Variants in FAM25A observed in about 807,000 individuals in gnomAD.
FAM25A encodes family with sequence similarity 25 member A.
In FAM25A, 5 loss-of-function variants were observed where a neutral mutation model predicts 6.6. The observed-to-expected ratio is 0.75, with a 90% confidence interval of 0.39 to 1.59. The LOEUF (loss-of-function observed/expected upper bound fraction) is 1.59, where lower values mean the gene tolerates loss of function less well. Among genes scored for constraint, FAM25A ranks in the 40% most tolerant of loss-of-function variants. The probability of loss-of-function intolerance (pLI) is 0.02; values close to 1 mark genes in which losing one functional copy is unlikely to be tolerated. For missense variants in FAM25A, 93 were observed against 109.7 expected (o/e 0.85, Z 0.68); for synonymous variants, 36 against 41.3 (o/e 0.87, Z 0.49).
At chr10:87,022,099 C>T (rs1845332898) in intron 1 of FAM25A, among the ~76,000 whole-genome samples, 1 of 152,116 alleles carries the variant, frequency 6.6e-6, no homozygotes, top group Non-Finnish European at 1.5e-5. Flanking sequence ...GGGGGAAGGT[C>T]CTTCTCATGA....
chr10:87,020,630 C>T (rs1264631940), intron 1 of FAM25A, among the ~76,000 whole-genome samples: 1 of 152,064 alleles, frequency 6.6e-6, no homozygotes, highest in African/African-American at 2.4e-5. Flanking sequence ...CAGCTTGGAC[C>T]CTTCCCTCTG....
At chr10:87,024,237 C>T (rs1168338164) in intron 2 of FAM25A, among the ~76,000 whole-genome samples, 1 of 150,516 alleles carries the variant, frequency 6.6e-6, no homozygotes, top group Non-Finnish European at 1.5e-5. Flanking sequence ...AAATGATAAT[C>T]CAATATAACA....
chr10:87,022,441 A>G (rs1845338643), intron 2 of FAM25A, 65 bp downstream of exon 2: 1 of 1,529,036 alleles, frequency 6.5e-7, no homozygotes. Context: ...TGCTGGGCCA[A>G]CCTGTTCTTT....
intron 1 of FAM25A, among the ~76,000 whole-genome samples, chr10:87,020,715 A>T (rs1845323025): frequency 6.6e-6 from 1 of 152,216 alleles, no homozygotes; most frequent in Non-Finnish European, 1.5e-5. Flanking sequence ...ATGGATTTTT[A>T]TTTTTACCAT....
In FAM25A at chr10:87,020,422, C is replaced by T. The variant is rs929538388; in HGVS notation, c.73+25C>T. ...AGTGAGGACCTGGGGCTCCTTTCTACCTGGGCTGGGGGGATCTGGGGCAGA... is the reference window on the plus strand; with the variant it reads ...AGTGAGGACCTGGGGCTCCTTTCTATCTGGGCTGGGGGGATCTGGGGCAGA... On this transcript the variant is annotated intron_variant, in intron 1 of 2. Transcript: ENST00000343959. 46 of 1,548,230 alleles carry T rather than the reference C, an allele frequency of 3.0e-5. No individual in the cohort carries two copies. In the African/African-American group the frequency reaches 5.5e-4, roughly 18 times the overall value.
chr10:87,022,571 G>A (rs1207885905), intron 2 of FAM25A, among the ~76,000 whole-genome samples, 195 bp downstream of exon 2: 1 of 152,212 alleles, frequency 6.6e-6, no homozygotes, highest in African/African-American at 2.4e-5. Context: ...TGTCTAGATG[G>A]TTCTGTCTGT....
chr10:87,023,441 C>T, intron 2 of FAM25A, among the ~76,000 whole-genome samples: 1 of 152,152 alleles, frequency 6.6e-6, no homozygotes, highest in African/African-American at 2.4e-5. Context: ...ATACCATAGG[C>T]CAGGTGCAGT....
intron 2 of FAM25A, among the ~76,000 whole-genome samples, chr10:87,022,893 C>T (rs1845342925): frequency 6.9e-6 from 1 of 144,616 alleles, no homozygotes; most frequent in Non-Finnish European, 1.5e-5. Context: ...TGCCACTGCA[C>T]TCCAGCCTGG....
chr10:87,023,291 A>G (rs1589338599), intron 2 of FAM25A, among the ~76,000 whole-genome samples: 1 of 152,248 alleles, frequency 6.6e-6, no homozygotes, highest in African/African-American at 2.4e-5. Flanking sequence ...AGCTATGAGT[A>G]GAACTATGTA....
intron 2 of FAM25A, among the ~76,000 whole-genome samples, chr10:87,022,882 A>G (rs1231240069): frequency 3.5e-5 from 5 of 142,226 alleles, no homozygotes; most frequent in Admixed American, 1.4e-4. Context: ...AGCCTAGATC[A>G]TGCCACTGCA....
intron 1 of FAM25A, among the ~76,000 whole-genome samples, chr10:87,022,013 C>T (rs1342122646): frequency 2.0e-5 from 3 of 152,220 alleles, no homozygotes; most frequent in African/African-American, 7.2e-5. Context: ...GCTTCAGGGA[C>T]CCATGCCCTC....
chr10:87,022,458 C>G lies in FAM25A; in HGVS notation c.136+82C>G. On this transcript the variant is annotated intron_variant, in intron 2 of 2. Transcript: ENST00000343959. ...CTGGGCCAACCTGTTCTTTGACTAA[C>G]CAGGTCAAACTCTGCCCCCAATGTT... 8.2e-6 allele frequency: 12 copies of G among 1,468,920 alleles called. No individual in the cohort carries two copies. The South Asian group carries it at 1.5e-4, about 18-fold the overall frequency. The allele number at this position is 1,468,920 out of a possible 1,614,324, so 91.0% of individuals were successfully genotyped here.
intron 2 of FAM25A, among the ~76,000 whole-genome samples, chr10:87,022,957 G>C (rs1302069443): frequency 1.3e-5 from 2 of 149,038 alleles, no homozygotes; most frequent in Non-Finnish European, 3.0e-5. Context: ...AAAATTGCTG[G>C]GTGTGGTGGC....
intron 1 of FAM25A, among the ~76,000 whole-genome samples, chr10:87,021,423 T>C (rs7088576): frequency 0.35 from 52,745 of 152,122 alleles, 10,533 homozygotes; most frequent in African/African-American, 0.54. Context: ...CACTCCCATT[T>C]TCTCAAGTAG....
At chr10:87,020,465 G>A (rs575855805) in intron 1 of FAM25A, 68 bp downstream of exon 1, 228 of 1,530,706 alleles carry the variant, frequency 1.5e-4, no homozygotes, top group Middle Eastern at 2.4e-4. Context: ...TGTGGGAGGC[G>A]GATCTAAGTA....
chr10:87,024,091 A>C (rs1008775340), intron 2 of FAM25A, among the ~76,000 whole-genome samples: 23 of 152,020 alleles, frequency 1.5e-4, no homozygotes, highest in Non-Finnish European at 3.2e-4. Flanking sequence ...GAACCATGAC[A>C]AAAAAATCAG....
chr10:87,020,320 A>G lies in FAM25A; in HGVS notation c.-5A>G. 1.3e-6 allele frequency: 2 copies of G among 1,549,532 alleles called. No individual in the cohort carries two copies. The highest frequency in any genetic ancestry group is 1.2e-5 in the South Asian group (1 of 83,962). Reference sequence around the variant, plus strand: ...TCCTAGTTCACCACTGTCTGCTGCCACACGATGCTGGGAGGCCTGGGGAAG... The same window carrying G: ...TCCTAGTTCACCACTGTCTGCTGCCGCACGATGCTGGGAGGCCTGGGGAAG... On this transcript the variant is annotated 5_prime_UTR_variant, in exon 1 of 3. Transcript: ENST00000343959.
chr10:87,022,758 C>T (rs1845341780), intron 2 of FAM25A, among the ~76,000 whole-genome samples: 2 of 150,590 alleles, frequency 1.3e-5, no homozygotes, highest in East Asian at 1.9e-4. Flanking sequence ...AATCCCATCT[C>T]TACTAAAAAT....
intron 2 of FAM25A, among the ~76,000 whole-genome samples, chr10:87,023,600 A>C (rs1010741207): frequency 6.6e-6 from 1 of 152,182 alleles, no homozygotes; most frequent in Non-Finnish European, 1.5e-5. Flanking sequence ...ACATGCCTGT[A>C]ATCCCAGCTA....
Sources: gnomAD v4.1 joint callset for allele counts (sites outside exome capture counted in the v4.1 genomes callset) on GRCh38, gnomAD v4.1.1 for gene constraint, MANE v1.5 for transcripts, NCBI Gene and HGNC (gene_info 2026-07-23, HGNC 2026-07-21) for gene names.